CMIP: variants seen among roughly 807,000 people sequenced by gnomAD.
CMIP encodes the protein C-Maf-inducing protein.
Under a neutral mutation model 97.3 loss-of-function variants are expected in CMIP, and 13 were observed. The observed-to-expected ratio is 0.13, with a 90% CI of 0.09 to 0.21. The LOEUF (loss-of-function observed/expected upper bound fraction) is 0.21. Among genes scored for constraint, CMIP ranks in the 10% least tolerant of loss-of-function variants. CMIP has a pLI of 1.00. For missense variants in CMIP, 847 were observed against 1,024.9 expected (o/e 0.83, Z 2.37); for synonymous variants, 538 against 436.3 (o/e 1.23, Z -2.91).
intron 1 of CMIP, among the ~76,000 whole-genome samples, chr16:81,528,830 T>A (rs1349292841): frequency 6.6e-6 from 1 of 152,184 alleles, no homozygotes; most frequent in East Asian, 1.9e-4. Flanking sequence ...ATCATCTATC[T>A]CCTTGCTTTC....
intron 1 of CMIP, among the ~76,000 whole-genome samples, chr16:81,561,715 T>C (rs2150873591): frequency 6.6e-6 from 1 of 152,362 alleles, no homozygotes; most frequent in South Asian, 2.1e-4. Context: ...CCTCAGCTGC[T>C]GTATGGACAG....
intron 10 of CMIP, among the ~76,000 whole-genome samples, 188 bp downstream of exon 10, chr16:81,678,816 G>T (rs1323975653): frequency 6.6e-6 from 1 of 152,272 alleles, no homozygotes; most frequent in Non-Finnish European, 1.5e-5. Flanking sequence ...TGTGAGTACA[G>T]GCATACAGGG....
In CMIP at chr16:81,448,182, C is replaced by T. The variant is rs1597439956; in HGVS notation, c.300+2641C>T. ...AGAGTCATATCCTTACTTGAAATAT[C>T]AGTCATCCATATTTTAAGCCATCTA... On this transcript the variant is annotated intron_variant, in intron 1 of 20. Transcript: ENST00000537098. 2.6e-5 allele frequency among the ~76,000 whole-genome samples: 4 copies of T among 151,670 alleles called. No individual in the cohort carries two copies. The South Asian group carries it at 8.4e-4, about 32-fold the overall frequency.
intron 1 of CMIP, among the ~76,000 whole-genome samples, chr16:81,457,534 G>T (rs950253806): frequency 6.6e-6 from 1 of 152,180 alleles, no homozygotes; most frequent in African/African-American, 2.4e-5. Context: ...CACCTGCCAG[G>T]TGCTGGCCCA....
chr16:81,559,898 A>G (rs2090843130), intron 1 of CMIP, among the ~76,000 whole-genome samples: 1 of 152,158 alleles, frequency 6.6e-6, no homozygotes, highest in Non-Finnish European at 1.5e-5. Context: ...CTGTAATCCC[A>G]GCACTTTGGG....
chr16:81,661,202 G>A (rs1475200816), intron 6 of CMIP, among the ~76,000 whole-genome samples: 1 of 152,256 alleles, frequency 6.6e-6, no homozygotes, highest in Non-Finnish European at 1.5e-5. Flanking sequence ...TGTCTTAGGA[G>A]ACAGGTTGCT....
rs375264496 is a variant in CMIP at position 81,506,892 on chromosome 16, G to A, written c.300+61351G>A. Among the ~76,000 whole-genome samples, 6 of 137,950 alleles carry A rather than the reference G, an allele frequency of 4.3e-5. No homozygotes were observed. In the East Asian group the frequency reaches 1.4e-3, roughly 31 times the overall value. 90.5% of individuals were successfully genotyped at this position (137,950 alleles called of 152,430 possible). A position where few individuals can be genotyped will look rare whatever the true frequency, so the allele number is the denominator to read the frequency against. On this transcript the variant is annotated intron_variant, in intron 1 of 20. Coordinates refer to ENST00000537098, the MANE Select transcript of CMIP (RefSeq NM_198390.3). The stretch of plus-strand genomic sequence containing the variant: ...TCCACTCCAGCCTGGATGACAGAGC[G>A]AGACTCCGTCTCAAAAAAAAAAAAA...
intron 1 of CMIP, among the ~76,000 whole-genome samples, chr16:81,589,850 C>G (rs1160838139): frequency 5.3e-5 from 8 of 152,242 alleles, no homozygotes; most frequent in Non-Finnish European, 1.2e-4. Flanking sequence ...CTGAATGAAT[C>G]TGTTTAGTGA....
intron 9 of CMIP, among the ~76,000 whole-genome samples, chr16:81,675,370 ATTTTTTTTT>A (rs35314200): frequency 2.4e-5 from 3 of 123,378 alleles, no homozygotes; most frequent in African/African-American, 6.0e-5. Context: ...CACCTGGCTA[ATTTTTTTTT>A]TTTTTTTTTT....
chr16:81,555,970 T>TAGGA (rs1193813046), intron 1 of CMIP, among the ~76,000 whole-genome samples: 9 of 152,310 alleles, frequency 5.9e-5, no homozygotes, highest in African/African-American at 2.2e-4. Flanking sequence ...GTGCAATTAA[T>TAGGA]AGGAGCTCCA....
At chr16:81,537,664 G>A (rs1702058482) in intron 1 of CMIP, among the ~76,000 whole-genome samples, 2 of 151,764 alleles carry the variant, frequency 1.3e-5, no homozygotes, top group Middle Eastern at 3.4e-3. Context: ...CCAGGAGTTC[G>A]AGACCAGCCT....
At chr16:81,463,564 G>T (rs757873669) in intron 1 of CMIP, among the ~76,000 whole-genome samples, 2 of 152,186 alleles carry the variant, frequency 1.3e-5, no homozygotes, top group Non-Finnish European at 2.9e-5. Flanking sequence ...TTTGTAGGAC[G>T]ATTCAAGCCG....
rs571832037 is a variant in CMIP at position 81,696,823 on chromosome 16, A to G, written c.1638+156A>G. 1.9e-4 allele frequency: 125 copies of G among 673,458 alleles called. 1 individual carries two copies. The African/African-American group carries it at 2.1e-3, about 11-fold the overall frequency. The allele number at this position is 673,458 out of a possible 1,614,324, so 41.7% of individuals were successfully genotyped here. A position where few individuals can be genotyped will look rare whatever the true frequency, so the allele number is the denominator to read the frequency against. On this transcript the variant is annotated intron_variant, in intron 14 of 20. Transcript: ENST00000537098. Reference sequence around the variant, plus strand: ...GAAGGTGGTGGTGGTGGTGGTGGTGATGGTGACCGTGACTGTCACTTACTC... The same window carrying G: ...GAAGGTGGTGGTGGTGGTGGTGGTGGTGGTGACCGTGACTGTCACTTACTC...
chr16:81,503,291 G>C (rs888948498), intron 1 of CMIP, among the ~76,000 whole-genome samples: 56 of 152,300 alleles, frequency 3.7e-4, no homozygotes, highest in African/African-American at 1.3e-3. Flanking sequence ...TGACAGCCGG[G>C]TGCTTGATGG....
At chr16:81,576,556 C>G (rs908596148) in intron 1 of CMIP, among the ~76,000 whole-genome samples, 1 of 152,088 alleles carries the variant, frequency 6.6e-6, no homozygotes. Flanking sequence ...ATGAGGAGAT[C>G]AAGGCACAGA....
In CMIP at chr16:81,606,478, C is replaced by G. The variant is rs535608615; in HGVS notation, c.301-1089C>G. 3.3e-5 allele frequency among the ~76,000 whole-genome samples: 5 copies of G among 152,296 alleles called. No individual in the cohort carries two copies. The East Asian group carries it at 7.7e-4, about 23-fold the overall frequency. ...TTGGCTCCTGGTGGCCATTGTATCC[C>G]TCGGTCACCTGGTGCCTTCTCGGGA... On this transcript the variant is annotated intron_variant, in intron 1 of 20. Coordinates refer to ENST00000537098, the MANE Select transcript of CMIP (RefSeq NM_198390.3).
rs1292147677 is a variant in CMIP at position 81,651,704 on chromosome 16, T to C, written c.478-499T>C. Among the ~76,000 whole-genome samples the C allele has an allele frequency of 2.6e-5, 4 of 152,280 alleles. No homozygotes were observed. The East Asian group carries it at 7.7e-4, about 29-fold the overall frequency. ...CTTGGGAAGTGAGTTTGGCAGAAGA[T>C]ACGATCTAAAAGAGAAGTCTCCCCC... On this transcript the variant is annotated intron_variant, in intron 3 of 20. Transcript: ENST00000537098.
At position 81,564,009 on chromosome 16, in the gene CMIP, C is replaced by T. The variant is rs77831008; in HGVS notation, c.301-43558C>T. Among the ~76,000 whole-genome samples the T allele has an allele frequency of 7.8e-3, 1,187 of 152,388 alleles. 21 individuals are homozygous for T. Among genetic ancestry groups the T allele is most frequent in the African/African-American group, 0.027 (1,138 of 41,592 alleles). The stretch of plus-strand genomic sequence containing the variant: ...GAGCTGCAGAGCCTGAGCCCAGGGC[C>T]AGTAGGCCAGCCATTCTCCCATTTC... On this transcript the variant is annotated intron_variant, in intron 1 of 20. Coordinates refer to ENST00000537098, the MANE Select transcript of CMIP (RefSeq NM_198390.3).
At chr16:81,556,540 C>CATG (rs1225474858) in intron 1 of CMIP, among the ~76,000 whole-genome samples, 10 of 152,110 alleles carry the variant, frequency 6.6e-5, no homozygotes, top group Admixed American at 1.3e-4. Flanking sequence ...TCCTAATGGG[C>CATG]ATGAGGCAGT....
Sources: allele counts gnomAD v4.1 joint callset (sites outside exome capture counted in the v4.1 genomes callset), GRCh38; gene constraint gnomAD v4.1.1; transcripts MANE v1.5; gene names NCBI Gene and HGNC (gene_info 2026-07-23, HGNC 2026-07-21).